The following CA12 variants were observed in gnomAD, a reference collection of about 807,000 sequenced individuals.
CA12 encodes carbonate dehydratase XII.
CA12 carries 36 observed loss-of-function variants against 46.8 expected under a neutral mutation model. The ratio of observed to expected loss-of-function variants is 0.77; its 90% CI spans 0.59 to 1.02. The LOEUF (loss-of-function observed/expected upper bound fraction) is 1.02. Among genes scored for constraint, CA12 ranks in the 50% least tolerant of loss-of-function variants. The probability of loss-of-function intolerance (pLI) is 0.00; values close to 1 mark genes in which losing one functional copy is unlikely to be tolerated. For missense variants in CA12, 436 were observed against 451.4 expected, an observed-to-expected ratio of 0.97 and a Z score of 0.31; for synonymous variants, 202 against 187.0, an observed-to-expected ratio of 1.08 and a Z score of -0.65.
intron 2 of CA12, among the ~76,000 whole-genome samples, chr15:63,356,247 G>C (rs2039294184): frequency 6.6e-6 from 1 of 152,114 alleles, no homozygotes; most frequent in Non-Finnish European, 1.5e-5. Context: ...ACAAAAAATA[G>C]CTGGGCATGG....
Position 63,355,745 on chromosome 15 carries a change from GC to G in CA12, c.107-9037del, listed in dbSNP as rs113623898. Among the ~76,000 whole-genome samples, 9,895 of 152,190 alleles carry G rather than the reference GC, an allele frequency of 0.065. 1,081 individuals carry two copies. The highest frequency in any genetic ancestry group is 0.22 in the African/African-American group (9,307 of 41,466). On this transcript the variant is annotated intron_variant, in intron 2 of 10. Transcript: ENST00000178638. The surrounding 1 kb of genome is among the most constrained non-coding windows in gnomAD (Gnocchi z 4.1). Reference sequence around the variant, plus strand: ...TATCATGAAAACTAGCCAGGCCTGAGCCCCCCATCAGTGCTCACCACATGTT... The same window carrying G: ...TATCATGAAAACTAGCCAGGCCTGAGCCCCCATCAGTGCTCACCACATGTT...
chr15:63,356,599 T>C (rs1264867183), intron 2 of CA12, among the ~76,000 whole-genome samples: 1 of 150,692 alleles, frequency 6.6e-6, no homozygotes, highest in Non-Finnish European at 1.5e-5. Context: ...TCTCGCTCAC[T>C]GCAACCTCTG....
chr15:63,330,137 GCCCCAGGCCTCTT>G lies in CA12; in HGVS notation c.875-2020_875-2008del, dbSNP rs910800122. ...AGTGGCTCCACTGGCCAGACTCCCT[GCCCCAGGCCTCTT>G]CGTGTAACCTGAACACAAGGACCAG... On this transcript the variant is annotated intron_variant, in intron 8 of 10. Transcript: ENST00000178638. This position sits in a 1 kb window ranked among gnomAD's most constrained non-coding sequence, Gnocchi z 4.0. Among the ~76,000 whole-genome samples the G allele has an allele frequency of 1.3e-5, 2 of 152,214 alleles. No homozygotes were observed. The highest frequency in any genetic ancestry group is 2.9e-5 in the Non-Finnish European group (2 of 68,046).
rs2039045305 is a variant in CA12, at chr15:63,339,294, C to A, written c.748-349G>T. Among the ~76,000 whole-genome samples the A allele has an allele frequency of 6.6e-6, 1 of 151,888 alleles. No individual in the cohort carries two copies. The highest frequency in any genetic ancestry group is 2.4e-5 in the African/African-American group (1 of 41,310). On this transcript the variant is annotated intron_variant, in intron 7 of 10. Coordinates refer to ENST00000178638, the MANE Select transcript of CA12 (RefSeq NM_001218.5). This position sits in a 1 kb window ranked among gnomAD's most constrained non-coding sequence, Gnocchi z 4.3. ...ACAGAGACTGAGTTCCTCTCATGAA[C>A]TTAAATTAGAGGCCAGCTCTCAACC...
intron 2 of CA12, among the ~76,000 whole-genome samples, chr15:63,356,363 G>A (rs573193598): frequency 5.3e-5 from 8 of 152,194 alleles, no homozygotes; most frequent in East Asian, 1.9e-4. Flanking sequence ...ACTGCACTCC[G>A]GCCTGGGTGA....
chr15:63,346,452 G>C, intron 3 of CA12, 78 bp downstream of exon 3: 1 of 1,150,002 alleles, frequency 8.7e-7, no homozygotes, highest in Non-Finnish European at 1.2e-6. Flanking sequence ...ACACCTCCCT[G>C]CCAGATGGAA....
chr15:63,380,926 C>T (rs2152629383), intron 1 of CA12, among the ~76,000 whole-genome samples: 1 of 152,354 alleles, frequency 6.6e-6, no homozygotes, highest in East Asian at 1.9e-4. Context: ...CTGCCACCTC[C>T]TCCTGTCACT....
In CA12 at chr15:63,339,306, G is replaced by C. The variant is rs35171697; in HGVS notation, c.748-361C>G. Among the ~76,000 whole-genome samples the C allele has an allele frequency of 0.045, 6,796 of 152,190 alleles. 197 individuals are homozygous for C. Among genetic ancestry groups the C allele is most frequent in the Middle Eastern group, 0.065 (19 of 294 alleles). ...TTCCTCTCATGAACTTAAATTAGAG[G>C]CCAGCTCTCAACCAGAGGGTCGCAG... is the stretch of plus-strand genomic sequence containing the variant. On this transcript the variant is annotated intron_variant, in intron 7 of 10. Transcript: ENST00000178638. The surrounding 1 kb of genome is among the most constrained non-coding windows in gnomAD (Gnocchi z 4.3).
chr15:63,381,782 C>T lies in CA12; in HGVS notation c.-62G>A. The T allele has an allele frequency of 8.3e-7, 1 of 1,201,154 alleles. No homozygotes were observed. The highest frequency in any genetic ancestry group is 1.1e-6 in the Non-Finnish European group (1 of 887,946). 74.4% of individuals were successfully genotyped at this position (1,201,154 alleles called of 1,614,324 possible). The stretch of plus-strand genomic sequence containing the variant: ...CGGGGGCTCCCGGTGGCCGCTCGCT[C>T]TCCAGCTGCACACCGGGACCGCGTG... On this transcript the variant is annotated 5_prime_UTR_variant, in exon 1 of 11. Transcript: ENST00000178638.
intron 8 of CA12, among the ~76,000 whole-genome samples, chr15:63,335,411 T>A (rs138082291): frequency 0.012 from 1,857 of 152,168 alleles, 14 homozygotes; most frequent in Middle Eastern, 0.034. Context: ...AAACTTCAGA[T>A]CCTTCCCCAA....
chr15:63,351,342 G>T (rs34955448), intron 2 of CA12, among the ~76,000 whole-genome samples: 6,060 of 152,308 alleles, frequency 0.04, 154 homozygotes, highest in Middle Eastern at 0.058. Flanking sequence ...TTGTTACACT[G>T]CCAGGCTGGC....
At position 63,340,018 on chromosome 15, in the gene CA12, C is replaced by A; in HGVS notation, c.747+270G>T. On this transcript the variant is annotated intron_variant, in intron 7 of 10. Coordinates refer to ENST00000178638, the MANE Select transcript of CA12 (RefSeq NM_001218.5). The surrounding 1 kb of genome is among the most constrained non-coding windows in gnomAD (Gnocchi z 4.4). ...TCCTGCCTGGGAAGTGAATACCACC[C>A]AGCCACTGAGGATATATTAGCAAAT... The A allele has an allele frequency of 2.1e-6, 1 of 465,348 alleles. No individual in the cohort carries two copies. Among genetic ancestry groups the A allele is most frequent in the Non-Finnish European group, 3.9e-6 (1 of 253,646 alleles). The allele number at this position is 465,348 out of a possible 1,614,324, so 28.8% of individuals were successfully genotyped here. A position where few individuals can be genotyped will look rare whatever the true frequency, so the allele number is the denominator to read the frequency against.
rs1411045072 is a variant in CA12, at chr15:63,355,389, G to T, written c.107-8680C>A. Reference sequence around the variant, plus strand: ...CCCCAGTAGTCCAGTGGTTCTCAAAGCGTGGCTCCAGACAAGCATTATCAT... The same window carrying T: ...CCCCAGTAGTCCAGTGGTTCTCAAATCGTGGCTCCAGACAAGCATTATCAT... On this transcript the variant is annotated intron_variant, in intron 2 of 10. Transcript: ENST00000178638. The surrounding 1 kb of genome is among the most constrained non-coding windows in gnomAD (Gnocchi z 4.1). 6.6e-6 allele frequency among the ~76,000 whole-genome samples: 1 copy of T among 152,192 alleles called. No homozygotes were observed. The highest frequency in any genetic ancestry group is 1.9e-4 in the East Asian group (1 of 5,194).
chr15:63,353,531 AAAGGTC>A (rs1386964537), intron 2 of CA12, among the ~76,000 whole-genome samples: 1 of 152,140 alleles, frequency 6.6e-6, no homozygotes, highest in Non-Finnish European at 1.5e-5. Flanking sequence ...CATCTGTTAG[AAAGGTC>A]TTCCTGTTGG....
At chr15:63,343,299 T>TTTTTTTTTC (rs745693866) in intron 4 of CA12, among the ~76,000 whole-genome samples, 1 of 147,356 alleles carries the variant, frequency 6.8e-6, no homozygotes, top group Non-Finnish European at 1.5e-5. Context: ...TTTTTTTTTT[T>TTTTTTTTTC]TAATGGAGTT....
intron 2 of CA12, among the ~76,000 whole-genome samples, chr15:63,364,743 C>G (rs2039417351): frequency 6.6e-6 from 1 of 152,230 alleles, no homozygotes; most frequent in Admixed American, 6.5e-5. Context: ...ATGGCCTGTC[C>G]TCTGTGTTCC....
chr15:63,345,681 T>C lies in CA12; in HGVS notation c.287-62A>G. The C allele has an allele frequency of 6.4e-7, 1 of 1,571,784 alleles. No individual in the cohort carries two copies. The highest frequency in any genetic ancestry group is 8.6e-7 in the Non-Finnish European group (1 of 1,164,038). On this transcript the variant is annotated intron_variant, in intron 3 of 10. Transcript: ENST00000178638. The surrounding 1 kb of genome is among the most constrained non-coding windows in gnomAD (Gnocchi z 4.3). ...CCAGCTGTGCACTGCCAGAGAGCAG[T>C]CAGGTAGGCAATGCTCCCTCCACCC... is the stretch of plus-strand genomic sequence containing the variant.
intron 1 of CA12, among the ~76,000 whole-genome samples, chr15:63,377,338 G>T (rs1047493350): frequency 6.6e-6 from 1 of 152,148 alleles, no homozygotes; most frequent in Non-Finnish European, 1.5e-5. Flanking sequence ...CCCTTGTGGG[G>T]AAGCACCTCA....
At chr15:63,356,204 C>A (rs2039293477) in intron 2 of CA12, among the ~76,000 whole-genome samples, 1 of 152,038 alleles carries the variant, frequency 6.6e-6, no homozygotes, top group Non-Finnish European at 1.5e-5. Context: ...ACCAGCCTGG[C>A]CAACATGGTG....
Sources: allele counts gnomAD v4.1 joint callset (sites outside exome capture counted in the v4.1 genomes callset), GRCh38; gene constraint gnomAD v4.1.1; non-coding constraint Gnocchi (gnomAD v3.1); transcripts MANE v1.5; gene names NCBI Gene and HGNC (gene_info 2026-07-23, HGNC 2026-07-21).